MKNK2: variants seen among roughly 807,000 people sequenced by gnomAD.
MKNK2 encodes the protein MAPK interacting serine/threonine kinase 2.
A neutral mutation model predicts 55.0 loss-of-function variants in MKNK2; 54 were observed. That is an observed-to-expected ratio of 0.98 (90% CI 0.79 to 1.23). MKNK2 has a LOEUF of 1.23. Ranked by LOEUF, MKNK2 falls within the 50% of genes most tolerant of loss-of-function variation. MKNK2 has a pLI of 0.00. For missense variants in MKNK2, 685 were observed against 632.1 expected (o/e 1.08, Z -0.90); for synonymous variants, 323 against 256.0 (o/e 1.26, Z -2.50).
chr19:2,039,414 A>T lies in MKNK2; in HGVS notation c.*199T>A, dbSNP rs1451620239. 7.1e-7 allele frequency: 1 copy of T among 1,401,150 alleles called. No individual in the cohort carries two copies. Among genetic ancestry groups the T allele is most frequent in the Non-Finnish European group, 9.3e-7 (1 of 1,080,388 alleles). The allele number at this position is 1,401,150 out of a possible 1,614,324, so 86.8% of individuals were successfully genotyped here. A position where few individuals can be genotyped will look rare whatever the true frequency, so the allele number is the denominator to read the frequency against. ...CTTTTAACCATCCAAAGGAAAAAATAACGGGGAGGGGTGGAAACAGGAAAA... is the reference window on the plus strand; with the variant it reads ...CTTTTAACCATCCAAAGGAAAAAATTACGGGGAGGGGTGGAAACAGGAAAA... On this transcript the variant is annotated 3_prime_UTR_variant, in exon 14 of 14. Coordinates refer to ENST00000250896, the MANE Select transcript of MKNK2 (RefSeq NM_199054.3).
intron 2 of MKNK2, among the ~76,000 whole-genome samples, chr19:2,047,484 G>C (rs1023998509): frequency 1.3e-5 from 2 of 152,190 alleles, no homozygotes; most frequent in Admixed American, 6.5e-5. Flanking sequence ...TTGAGTCACC[G>C]TGGGGCCCAA....
At chr19:2,040,783 G>A (rs2016860198) in intron 12 of MKNK2, 3 of 533,154 alleles carry the variant, frequency 5.6e-6, no homozygotes, top group Admixed American at 3.4e-5. Context: ...GCTGCAGGCT[G>A]TGGGTCCCCA....
chr19:2,045,157 T>C (rs2016970543), intron 5 of MKNK2, among the ~76,000 whole-genome samples: 1 of 152,038 alleles, frequency 6.6e-6, no homozygotes, highest in Non-Finnish European at 1.5e-5. Flanking sequence ...GCTCTGCAGA[T>C]CCCAACACTG....
chr19:2,037,597 G>A lies in MKNK2; in HGVS notation c.*2016C>T. 1.7e-6 allele frequency: 1 copy of A among 582,014 alleles called. No individual in the cohort carries two copies. 36.1% of individuals were successfully genotyped at this position (582,014 alleles called of 1,614,324 possible). On this transcript the variant is annotated 3_prime_UTR_variant, in exon 14 of 14. Transcript: ENST00000250896. ...TGGTACATTGGAATTAAAGTGCTTGGATGTTTTTCCCCCACTTTAAAAAAA... is the reference window on the plus strand; with the variant it reads ...TGGTACATTGGAATTAAAGTGCTTGAATGTTTTTCCCCCACTTTAAAAAAA...
At chr19:2,040,881 T>C (rs1174392353) in intron 12 of MKNK2, 159 bp downstream of exon 12, 2 of 735,828 alleles carry the variant, frequency 2.7e-6, no homozygotes, top group Non-Finnish European at 2.2e-6. Context: ...GCGGTGGGGA[T>C]TTCGGCTGCA....
chr19:2,038,300 C>T lies in MKNK2; in HGVS notation c.*1313G>A. ...TAAACAGGAGGAAGAATCCCGACCG[C>T]GGATTTAGAAGCCAGAGGGGCTGCC... On this transcript the variant is annotated 3_prime_UTR_variant, in exon 14 of 14. Coordinates refer to ENST00000250896, the MANE Select transcript of MKNK2 (RefSeq NM_199054.3). 8.1e-6 allele frequency: 8 copies of T among 986,594 alleles called. No individual in the cohort carries two copies. The highest frequency in any genetic ancestry group is 8.4e-6 in the Non-Finnish European group (7 of 830,492). 61.1% of individuals were successfully genotyped at this position (986,594 alleles called of 1,614,324 possible).
chr19:2,039,999 C>T (rs996579877), intron 13 of MKNK2, 135 bp downstream of exon 13: 32 of 1,386,518 alleles, frequency 2.3e-5, no homozygotes, highest in African/African-American at 5.7e-5. Flanking sequence ...AGGGCCCCAC[C>T]GGGAGCTTCA....
Position 2,037,833 on chromosome 19 carries a change from C to CAT in MKNK2, c.*1779_*1780insAT. 2 of 1,506,056 alleles carry CAT rather than the reference C, an allele frequency of 1.3e-6. No individual in the cohort carries two copies. The highest frequency in any genetic ancestry group is 1.8e-6 in the Non-Finnish European group (2 of 1,112,716). 93.3% of individuals were successfully genotyped at this position (1,506,056 alleles called of 1,614,324 possible). A position where few individuals can be genotyped will look rare whatever the true frequency, so the allele number is the denominator to read the frequency against. Reference sequence around the variant, plus strand: ...GAGGAGGAAGTGACTGTCCCACCTTCAGAAAAAAAAAAAAAAACAAACAAA... The same window carrying CAT: ...GAGGAGGAAGTGACTGTCCCACCTTCATAGAAAAAAAAAAAAAAACAAACAAA... On this transcript the variant is annotated 3_prime_UTR_variant, in exon 14 of 14. Transcript: ENST00000250896.
chr19:2,041,716 G>C, intron 11 of MKNK2, 124 bp downstream of exon 11: 1 of 753,030 alleles, frequency 1.3e-6, no homozygotes, highest in Non-Finnish European at 2.1e-6. Flanking sequence ...TTAGGGGGTG[G>C]TCAGGGGGCA....
rs1026508115 is a variant in MKNK2 at position 2,046,245 on chromosome 19, C to T, written c.280G>A (p.Ala94Thr). 5 of 1,606,262 alleles carry T rather than the reference C, an allele frequency of 3.1e-6. No homozygotes were observed. The highest frequency in any genetic ancestry group is 4.5e-5 in the East Asian group (2 of 44,874). ...QLQEDVLGEG[A>T]HARVQTCINL... ...ATGCAGGTCTGCACTCGGGCATGAG[C>T]GCCCTCCCCCAGCACATCTTCCTGC... Residue 94 changes from alanine to threonine, a missense_variant, in exon 5 of 14, where the codon GCT becomes ACT. Transcript: ENST00000250896.
At chr19:2,045,633 A>T (rs2016980704) in intron 5 of MKNK2, among the ~76,000 whole-genome samples, 1 of 152,094 alleles carries the variant, frequency 6.6e-6, no homozygotes, top group Non-Finnish European at 1.5e-5. Context: ...CCAGGCAGCC[A>T]GCCCTCCTGG....
In MKNK2 at chr19:2,039,020, A is replaced by C. The variant is rs1044241012; in HGVS notation, c.*593T>G. The C allele has an allele frequency of 1.1e-5, 7 of 656,014 alleles. No individual in the cohort carries two copies. The African/African-American group carries it at 1.4e-4, about 13-fold the overall frequency. The allele number at this position is 656,014 out of a possible 1,614,324, so 40.6% of individuals were successfully genotyped here. ...CGCGGGTGAAGGGCTGGGGGATCCC[A>C]TGGGGTGGGTGGGTGAGCTGCCTGC... On this transcript the variant is annotated 3_prime_UTR_variant, in exon 14 of 14. Transcript: ENST00000250896.
intron 11 of MKNK2, 91 bp from the exon 12 acceptor site, chr19:2,041,295 C>CCCTAGACCAGGCCCTTTGGGGT: frequency 3.5e-6 from 5 of 1,423,788 alleles, no homozygotes; most frequent in Non-Finnish European, 4.8e-6. Flanking sequence ...CCCAACCAGG[C>CCCTAGACCAGGCCCTTTGGGGT]CCTAGACCAG....
At chr19:2,041,776 G>T (rs752118018) in intron 11 of MKNK2, 64 bp downstream of exon 11, 66 of 1,362,208 alleles carry the variant, frequency 4.8e-5, no homozygotes, top group Non-Finnish European at 6.1e-5. Context: ...GGGGTTAGGG[G>T]GTGTTCAGGG....
chr19:2,043,395 G>T, intron 6 of MKNK2, 108 bp downstream of exon 6: 1 of 1,164,464 alleles, frequency 8.6e-7, no homozygotes, highest in Non-Finnish European at 1.3e-6. Context: ...GCAGGGCCTG[G>T]GAAACTGGGT....
intron 2 of MKNK2, among the ~76,000 whole-genome samples, 170 bp from the exon 3 acceptor site, chr19:2,046,861 T>C (rs1338801819): frequency 6.6e-6 from 1 of 152,114 alleles, no homozygotes; most frequent in East Asian, 1.9e-4. Flanking sequence ...CCCACCAGGA[T>C]CAACTCCCGA....
Position 2,041,027 on chromosome 19 carries a change from G to C in MKNK2, c.1110+13C>G. The C allele has an allele frequency of 6.2e-7, 1 of 1,613,440 alleles. No individual in the cohort carries two copies. Among genetic ancestry groups the C allele is most frequent in the Non-Finnish European group, 8.5e-7 (1 of 1,179,782 alleles). On this transcript the variant is annotated intron_variant, in intron 12 of 13. Transcript: ENST00000250896. ...CCCATACCCCTCCTGCCGCCCGTGC[G>C]GCTGGTACTCACCCCCTGAACCCAG...
chr19:2,038,474 G>T lies in MKNK2; in HGVS notation c.*1139C>A. ...CCGCAGCCCCCGGGGGTTGGAGCAT[G>T]GAGGGTGGGGGGACTGAGCAGACCC... is the stretch of plus-strand genomic sequence containing the variant. On this transcript the variant is annotated 3_prime_UTR_variant, in exon 14 of 14. Coordinates refer to ENST00000250896, the MANE Select transcript of MKNK2 (RefSeq NM_199054.3). The T allele has an allele frequency of 1.0e-6, 1 of 985,704 alleles. No homozygotes were observed. Among genetic ancestry groups the T allele is most frequent in the Non-Finnish European group, 1.2e-6 (1 of 829,998 alleles). 61.1% of individuals were successfully genotyped at this position (985,704 alleles called of 1,614,324 possible). A position where few individuals can be genotyped will look rare whatever the true frequency, so the allele number is the denominator to read the frequency against.
At chr19:2,039,941 G>C in intron 13 of MKNK2, 85 bp from the exon 14 acceptor site, 1 of 1,474,816 alleles carries the variant, frequency 6.8e-7, no homozygotes, top group South Asian at 1.2e-5. Flanking sequence ...GGGGGAAGGG[G>C]CTTCATGCCC....
Sources: allele counts gnomAD v4.1 joint callset (sites outside exome capture counted in the v4.1 genomes callset), GRCh38; gene constraint gnomAD v4.1.1; transcripts MANE v1.5; gene names NCBI Gene and HGNC (gene_info 2026-07-23, HGNC 2026-07-21).